The following ME3 variants were observed in gnomAD, a reference collection of about 807,000 sequenced individuals.
The protein encoded by ME3 is NADP-dependent malic enzyme, mitochondrial.
ME3 carries 48 observed loss-of-function variants against 68.9 expected under a neutral mutation model. The observed-to-expected ratio is 0.70, with a 90% confidence interval of 0.55 to 0.89. ME3 has a LOEUF of 0.89. Among genes scored for constraint, ME3 ranks in the 40% least tolerant of loss-of-function variants. ME3 has a pLI of 0.00. For synonymous variants in ME3, 320 were observed against 318.8 expected (o/e 1.00, Z -0.04); for missense variants, 675 against 797.4 (o/e 0.85, Z 1.85).
chr11:86,667,765 T>C (rs1443810134), intron 2 of ME3: 1 of 151,982 alleles, frequency 6.6e-6, no homozygotes, highest in African/African-American at 2.4e-5. Context: ...TATAGGTAAA[T>C]GGAGGTCAGA....
intron 2 of ME3, among the ~76,000 whole-genome samples, chr11:86,632,322 AG>A (rs1430473020): frequency 6.6e-6 from 1 of 151,964 alleles, no homozygotes; most frequent in African/African-American, 2.4e-5. Flanking sequence ...GAGCCTAAAT[AG>A]GGGAGTGAAG....
chr11:86,435,711 A>G, the ME3 span: 1 of 152,264 alleles, frequency 6.6e-6, no homozygotes, highest in Non-Finnish European at 1.5e-5. Context: ...ATGGGGGAGC[A>G]AGAGAAACAG....
At chr11:86,610,875 C>G (rs544903455) in intron 2 of ME3, among the ~76,000 whole-genome samples, 72 of 152,256 alleles carry the variant, frequency 4.7e-4, no homozygotes, top group African/African-American at 1.6e-3. Flanking sequence ...CTGAACAAAA[C>G]AGCACCAACT....
chr11:86,467,915 G>A (rs1255617108), intron 7 of ME3, among the ~76,000 whole-genome samples: 1 of 152,062 alleles, frequency 6.6e-6, no homozygotes, highest in Non-Finnish European at 1.5e-5. Flanking sequence ...GCTTGGAATT[G>A]CATAAGAGGC....
Position 86,531,986 on chromosome 11 carries a change from C to CAA in ME3, c.468-23120_468-23119insTT, listed in dbSNP as rs1491494997. Among the ~76,000 whole-genome samples, 2 of 31,776 alleles carry CAA rather than the reference C, an allele frequency of 6.3e-5. 1 individual carries two copies. Among genetic ancestry groups the CAA allele is most frequent in the Middle Eastern group, 0.034 (2 of 58 alleles). 20.8% of individuals were successfully genotyped at this position (31,776 alleles called of 152,430 possible). On this transcript the variant is annotated intron_variant, in intron 4 of 14. Transcript: ENST00000543262. Reference sequence around the variant, plus strand: ...AAACTTAAAGTATAATTAAAAAAAACCAAACCAAAAAAAAACCAGAAACTG... The same window carrying CAA: ...AAACTTAAAGTATAATTAAAAAAAACAACAAACCAAAAAAAAACCAGAAACTG...
chr11:86,592,673 T>C (rs1275873425), intron 2 of ME3, among the ~76,000 whole-genome samples: 1 of 152,236 alleles, frequency 6.6e-6, no homozygotes, highest in East Asian at 1.9e-4. Flanking sequence ...TAAGGGTTAC[T>C]ACTTAAGCCA....
chr11:86,450,397 G>T (rs756240230), exon 9 of ME3: 1 of 1,613,654 alleles, frequency 6.2e-7, no homozygotes, highest in Admixed American at 1.7e-5. Context: ...CGGAGGCTGT[G>T]CCTGAAACAG....
intron 2 of ME3, among the ~76,000 whole-genome samples, chr11:86,569,565 G>A (rs1023022540): frequency 3.3e-5 from 5 of 152,112 alleles, no homozygotes; most frequent in African/African-American, 1.2e-4. Context: ...TAAACTCAGG[G>A]TGGTGGGGAG....
intron 4 of ME3, among the ~76,000 whole-genome samples, chr11:86,533,059 A>G (rs1955378792): frequency 1.3e-5 from 2 of 152,272 alleles, no homozygotes; most frequent in African/African-American, 4.8e-5. Context: ...CTCCAAAAAA[A>G]AAAAGACTCA....
intron 7 of ME3, among the ~76,000 whole-genome samples, chr11:86,475,612 A>C (rs909317491): frequency 1.2e-4 from 18 of 152,024 alleles, no homozygotes; most frequent in African/African-American, 4.1e-4. Context: ...GAGGGCACAT[A>C]ATTGGATAAG....
chr11:86,462,636 AT>A (rs1950278233), intron 8 of ME3: 1 of 1,274,028 alleles, frequency 7.8e-7, no homozygotes, highest in South Asian at 1.2e-5. Flanking sequence ...TTCTTTAAAC[AT>A]TTATTAGGCA....
chr11:86,488,328 T>G (rs1021463441), intron 6 of ME3, among the ~76,000 whole-genome samples: 5 of 152,212 alleles, frequency 3.3e-5, no homozygotes, highest in Non-Finnish European at 7.3e-5. Context: ...TGGTCTGGAC[T>G]CATGTTAGAA....
intron 4 of ME3, among the ~76,000 whole-genome samples, chr11:86,528,888 C>T (rs1484366247): frequency 6.6e-6 from 1 of 151,808 alleles, no homozygotes. Flanking sequence ...GCACTAAATG[C>T]CCACAAGAGA....
chr11:86,454,999 C>T (rs1055009550), intron 8 of ME3, among the ~76,000 whole-genome samples: 5 of 152,216 alleles, frequency 3.3e-5, no homozygotes, highest in African/African-American at 1.2e-4. Flanking sequence ...TCATTGTGGA[C>T]ATCAGAAGGC....
At chr11:86,583,308 C>G (rs1958545208) in intron 2 of ME3, among the ~76,000 whole-genome samples, 1 of 152,124 alleles carries the variant, frequency 6.6e-6, no homozygotes, top group South Asian at 2.1e-4. Context: ...TAGGTTGATG[C>G]AAAAGTAATT....
chr11:86,453,192 G>A (rs1365227065), intron 8 of ME3, among the ~76,000 whole-genome samples: 2 of 152,072 alleles, frequency 1.3e-5, no homozygotes, highest in African/African-American at 2.4e-5. Context: ...TAGAGACAAC[G>A]TTTTGGCGTG....
intron 6 of ME3, among the ~76,000 whole-genome samples, chr11:86,491,839 T>C (rs1952029733): frequency 6.6e-6 from 1 of 152,250 alleles, no homozygotes; most frequent in African/African-American, 2.4e-5. Context: ...GTGTGACCCA[T>C]GTATTACATG....
At chr11:86,454,694 A>G (rs1368336352) in intron 8 of ME3, among the ~76,000 whole-genome samples, 1 of 152,276 alleles carries the variant, frequency 6.6e-6, no homozygotes, top group Admixed American at 6.5e-5. Flanking sequence ...CAGGGAATCA[A>G]GCTCTAGGGC....
intron 2 of ME3, among the ~76,000 whole-genome samples, chr11:86,591,380 G>T (rs902361964): frequency 6.6e-6 from 1 of 152,196 alleles, no homozygotes; most frequent in Non-Finnish European, 1.5e-5. Context: ...ATTTAAAAAG[G>T]CAGTGGCATT....
Sources: allele counts gnomAD v4.1 joint callset (sites outside exome capture counted in the v4.1 genomes callset), GRCh38; gene constraint gnomAD v4.1.1; transcripts MANE v1.5; gene names NCBI Gene and HGNC (gene_info 2026-07-23, HGNC 2026-07-21).